The following PUM3 variants were observed in gnomAD, a reference collection of about 807,000 sequenced individuals.
PUM3 encodes pumilio homolog 3.
PUM3 carries 91 observed loss-of-function variants against 84.0 expected under a neutral mutation model. The observed-to-expected ratio is 1.08, with a 90% CI of 0.91 to 1.29. The LOEUF is 1.29. Among genes scored for constraint, PUM3 ranks in the 50% most tolerant of loss-of-function variants. The pLI is 0.00. For synonymous variants in PUM3, 321 were observed against 266.7 expected (o/e 1.20, Z -1.98); for missense variants, 1,067 against 767.5 (o/e 1.39, Z -4.61).
rs10968457 is a variant in PUM3, at chr9:2,838,470, C to T, written c.38G>A (p.Ser13Asn). ...GTTTTTTTCTTGTGCTGTCTTTGTA[C>T]TCTTTCCTGTGAATTGCTTTTTCCC... ...VKGKKQFTGK[S>N]TKTAQEKNRF... The change falls in exon 2 of 18, where the codon AGT becomes AAT. Residue 13 changes from serine to asparagine, a missense_variant. Ser to Asn is a conservative substitution (Grantham distance 46). Coordinates refer to ENST00000397885, the MANE Select transcript of PUM3 (RefSeq NM_014878.5). The T allele has an allele frequency of 0.037, 59,809 of 1,612,134 alleles. 1,282 individuals carry two copies. The highest frequency in any genetic ancestry group is 0.086 in the East Asian group (3,874 of 44,808).
intron 10 of PUM3, among the ~76,000 whole-genome samples, chr9:2,826,344 C>G (rs4439183): frequency 0.52 from 78,697 of 152,006 alleles, 20,580 homozygotes; most frequent in South Asian, 0.57. Context: ...ATCTCCAAAA[C>G]AGAAGGTGCT....
chr9:2,810,232 G>T (rs1201198685), intron 16 of PUM3, 112 bp downstream of exon 16: 3 of 699,490 alleles, frequency 4.3e-6, no homozygotes, highest in Non-Finnish European at 7.6e-6. Flanking sequence ...ACCATTTCTA[G>T]ACACTTGGCA....
chr9:2,843,618 T>C (rs1169679374), intron 1 of PUM3, among the ~76,000 whole-genome samples: 2 of 132,148 alleles, frequency 1.5e-5, no homozygotes, highest in Non-Finnish European at 3.1e-5. Context: ...TTGCTCTGTC[T>C]CCCAGGCTGG....
chr9:2,815,960 G>A (rs1821459446), intron 13 of PUM3, among the ~76,000 whole-genome samples: 1 of 152,202 alleles, frequency 6.6e-6, no homozygotes, highest in Non-Finnish European at 1.5e-5. Flanking sequence ...GCCTTGCGCT[G>A]AACTCCAGCT....
At chr9:2,807,967 C>A in intron 16 of PUM3, 63 bp from the exon 17 acceptor site, 1 of 981,044 alleles carries the variant, frequency 1.0e-6, no homozygotes, top group Non-Finnish European at 1.6e-6. Flanking sequence ...CTACCCCCTT[C>A]TCTACTGCCC....
chr9:2,804,793 C>A (rs1023417227), intron 17 of PUM3, among the ~76,000 whole-genome samples: 1 of 152,184 alleles, frequency 6.6e-6, no homozygotes, highest in African/African-American at 2.4e-5. Flanking sequence ...ATTCTATCTT[C>A]CCTTCCCCAT....
Position 2,833,533 on chromosome 9 carries a change from T to C in PUM3, c.441-101A>G, listed in dbSNP as rs370938442. ...CAGTATATGTTCTCCAAGTTCAGCATGATTTTCTTTTCTAAGGCAGCAAAC... is the reference window on the plus strand; with the variant it reads ...CAGTATATGTTCTCCAAGTTCAGCACGATTTTCTTTTCTAAGGCAGCAAAC... On this transcript the variant is annotated intron_variant, in intron 4 of 17. Transcript: ENST00000397885. 2.4e-4 allele frequency: 143 copies of C among 592,258 alleles called. No homozygotes were observed. In the African/African-American group the frequency reaches 2.4e-3, roughly 10 times the overall value. 36.7% of individuals were successfully genotyped at this position (592,258 alleles called of 1,614,324 possible). A position where few individuals can be genotyped will look rare whatever the true frequency, so the allele number is the denominator to read the frequency against.
chr9:2,825,205 C>T (rs1053531293), intron 10 of PUM3, among the ~76,000 whole-genome samples: 13 of 151,984 alleles, frequency 8.6e-5, no homozygotes, highest in Non-Finnish European at 7.4e-5. Context: ...ATGCTCTTCC[C>T]CAAAAGAGAC....
At chr9:2,824,898 G>T in intron 10 of PUM3, 83 bp from the exon 11 acceptor site, 1 of 872,326 alleles carries the variant, frequency 1.1e-6, no homozygotes, top group Non-Finnish European at 1.6e-6. Flanking sequence ...ACAGGGGGCA[G>T]TTATGCAGAG....
chr9:2,838,306 A>G (rs1816181823), intron 2 of PUM3, 120 bp downstream of exon 2: 2 of 733,720 alleles, frequency 2.7e-6, no homozygotes, highest in Non-Finnish European at 4.8e-6. Flanking sequence ...ACAATAACAC[A>G]TACTTCTTCC....
At chr9:2,844,018 A>C (rs1002090573) in intron 1 of PUM3, 27 bp downstream of exon 1, 5 of 154,298 alleles carry the variant, frequency 3.2e-5, no homozygotes, top group African/African-American at 1.2e-4. Context: ...CCCTCCCAAG[A>C]GCGACCGCTG....
rs1229583449 is a variant in PUM3 at position 2,837,413 on chromosome 9, AATAATT to A, written c.83-18_83-13del. On this transcript the variant is annotated splice_polypyrimidine_tract_variant and intron_variant, in intron 2 of 17. Coordinates refer to ENST00000397885, the MANE Select transcript of PUM3 (RefSeq NM_014878.5). The stretch of plus-strand genomic sequence containing the variant: ...TGAAGAACCAGAATCTAGTGACAAT[AATAATT>A]ATAAGTTCAATGATTCTGGGCCCAA... 6.5e-6 allele frequency: 10 copies of A among 1,544,496 alleles called. No individual in the cohort carries two copies. The highest frequency in any genetic ancestry group is 1.1e-5 in the South Asian group (1 of 88,138).
chr9:2,817,275 G>A (rs144364328), intron 13 of PUM3, among the ~76,000 whole-genome samples: 1 of 152,316 alleles, frequency 6.6e-6, no homozygotes, highest in East Asian at 1.9e-4. Flanking sequence ...AAAAATAAAT[G>A]ATTTAGAATA....
In PUM3 at chr9:2,812,457, T is replaced by A. The variant is rs562564121; in HGVS notation, c.1270-95A>T. On this transcript the variant is annotated intron_variant, in intron 13 of 17. Coordinates refer to ENST00000397885, the MANE Select transcript of PUM3 (RefSeq NM_014878.5). ...CTTCCATATTTGCCATTTACTATGC[T>A]AAGCAAGGAACTGATAATTTCCTAT... 1.4e-4 allele frequency: 115 copies of A among 823,402 alleles called. 3 individuals carry two copies. The South Asian group carries it at 2.0e-3, about 14-fold the overall frequency. The allele number at this position is 823,402 out of a possible 1,614,324, so 51.0% of individuals were successfully genotyped here. A position where few individuals can be genotyped will look rare whatever the true frequency, so the allele number is the denominator to read the frequency against.
chr9:2,810,866 T>C (rs2129792638), intron 15 of PUM3, among the ~76,000 whole-genome samples: 1 of 152,248 alleles, frequency 6.6e-6, no homozygotes, highest in Admixed American at 6.5e-5. Context: ...GATTATCTGA[T>C]GAGCGAATCA....
rs1815918822 is a variant in PUM3, at chr9:2,829,684, A to G, written c.852+90T>C. 3 of 1,092,712 alleles carry G rather than the reference A, an allele frequency of 2.7e-6. No individual in the cohort carries two copies. The South Asian group carries it at 5.2e-5, about 19-fold the overall frequency. 67.7% of individuals were successfully genotyped at this position (1,092,712 alleles called of 1,614,324 possible). On this transcript the variant is annotated intron_variant, in intron 8 of 17. Transcript: ENST00000397885. ...TCTTAAAGAACCAGCCACAGTAAAA[A>G]TACATTCAAAAGATATATAGGGCAC...
In PUM3 at chr9:2,810,369, T is replaced by G; in HGVS notation, c.1698A>C (p.Lys566Asn). 1 of 1,610,800 alleles carries G rather than the reference T, an allele frequency of 6.2e-7. No individual in the cohort carries two copies. Among genetic ancestry groups the G allele is most frequent in the East Asian group, 2.2e-5 (1 of 44,862 alleles). ...CTTCTCTCCCATTTTCTTTCATCTT[T>G]TTATCTTGCTCTATTAACCACTTCA... ...LVLKWLIEQDKKMKENGREGC... is the reference protein window; with the variant it reads ...LVLKWLIEQDNKMKENGREGC... Residue 566 changes from lysine to asparagine, a missense_variant, in exon 16 of 18, where the codon AAA (lysine) becomes AAC (asparagine). Transcript: ENST00000397885.
chr9:2,827,698 G>A lies in PUM3; in HGVS notation c.957-547C>T, dbSNP rs112713885. On this transcript the variant is annotated intron_variant, in intron 9 of 17. Transcript: ENST00000397885. Reference sequence around the variant, plus strand: ...TGGAGGCCGATGGTCAGGCATAAAAGACCTAAAGTTCACAGGTGATACCCA... The same window carrying A: ...TGGAGGCCGATGGTCAGGCATAAAAAACCTAAAGTTCACAGGTGATACCCA... Among the ~76,000 whole-genome samples, 10 of 152,286 alleles carry A rather than the reference G, an allele frequency of 6.6e-5. No individual in the cohort carries two copies. The South Asian group carries it at 2.1e-3, about 32-fold the overall frequency.
At chr9:2,804,821 A>G (rs576743105) in intron 17 of PUM3, among the ~76,000 whole-genome samples, 2 of 152,314 alleles carry the variant, frequency 1.3e-5, no homozygotes, top group Admixed American at 1.3e-4. Context: ...CTATAAGCTC[A>G]AGAGCAGGGA....
Sources: allele counts gnomAD v4.1 joint callset (sites outside exome capture counted in the v4.1 genomes callset), GRCh38; gene constraint gnomAD v4.1.1; transcripts MANE v1.5; gene names NCBI Gene and HGNC (gene_info 2026-07-23, HGNC 2026-07-21).